Variants in CEP85L observed in about 807,000 individuals in gnomAD.
CEP85L encodes centrosomal protein 85L, also known as centrosomal protein of 85 kDa-like.
CEP85L carries 60 observed loss-of-function variants against 100.3 expected under a neutral mutation model. The observed-to-expected ratio is 0.60, with a 90% confidence interval of 0.49 to 0.74. CEP85L has a LOEUF of 0.74. Among genes scored for constraint, CEP85L ranks in the 30% least tolerant of loss-of-function variants. CEP85L has a pLI of 0.00. For synonymous variants in CEP85L, 319 were observed against 322.7 expected (o/e 0.99, Z 0.12); for missense variants, 973 against 936.2 (o/e 1.04, Z -0.51).
At chr6:118,652,771 C>A, upstream of CEP85L, 1 of 1,531,828 alleles carries the variant, frequency 6.5e-7, no homozygotes. Context: ...CCAATTATTT[C>A]TCCAAATCAT....
At chr6:118,569,180 A>G (rs1239095656) in intron 2 of CEP85L, among the ~76,000 whole-genome samples, 1 of 151,762 alleles carries the variant, frequency 6.6e-6, no homozygotes, top group East Asian at 1.9e-4. Flanking sequence ...CATCTCTACT[A>G]AAAATACAAA....
chr6:118,629,916 G>A lies in CEP85L; in HGVS notation c.232+2537C>T, dbSNP rs12173476. 7.2e-4 allele frequency among the ~76,000 whole-genome samples: 110 copies of A among 152,200 alleles called. 2 individuals carry two copies. The East Asian group carries it at 0.014, about 20-fold the overall frequency. On this transcript the variant is annotated intron_variant, in intron 2 of 12. Transcript: ENST00000368491. ...AGTGTGAGAAAACAAAAGTCCAAAAGACCCCTTCGTTCAAGTCATCTAAAC... is the reference window on the plus strand; with the variant it reads ...AGTGTGAGAAAACAAAAGTCCAAAAAACCCCTTCGTTCAAGTCATCTAAAC...
intron 6 of CEP85L, 173 bp downstream of exon 6, chr6:118,491,513 C>T: frequency 1.5e-6 from 2 of 1,360,466 alleles, no homozygotes; most frequent in Non-Finnish European, 1.9e-6. Context: ...CAAAGAAAAT[C>T]CTTGGATTTC....
intron 5 of CEP85L, among the ~76,000 whole-genome samples, chr6:118,500,139 A>G (rs558633845): frequency 3.7e-4 from 36 of 98,508 alleles, no homozygotes; most frequent in African/African-American, 1.3e-3. Context: ...TGCCTCTACT[A>G]AAGTATTTTT....
rs532299964 is a variant in CEP85L at position 118,701,427 on chromosome 6, G to A, written c.-28+8609C>T. On this transcript the variant is annotated intron_variant, in intron 1 of 13. Coordinates refer to the CEP85L transcript ENST00000368488. The stretch of plus-strand genomic sequence containing the variant: ...AGAAAATGTGGTACATATACACCAC[G>A]GAGTACTACACAGCCATAAAAAAGA... Among the ~76,000 whole-genome samples, 59 of 152,210 alleles carry A rather than the reference G, an allele frequency of 3.9e-4. No homozygotes were observed. In the Middle Eastern group the frequency reaches 0.01, roughly 26 times the overall value.
intron 3 of CEP85L, among the ~76,000 whole-genome samples, chr6:118,526,342 A>G (rs193186932): frequency 7.2e-5 from 11 of 152,268 alleles, no homozygotes; most frequent in Admixed American, 3.3e-4. Flanking sequence ...CCATGATCCA[A>G]CAAATAACAC....
intron 3 of CEP85L, among the ~76,000 whole-genome samples, chr6:118,547,843 A>G (rs1274753536): frequency 6.6e-6 from 1 of 152,166 alleles, no homozygotes; most frequent in African/African-American, 2.4e-5. Flanking sequence ...TTTATTGTGT[A>G]AAAATATTTC....
upstream of CEP85L, chr6:118,652,272 C>T (rs1775612645): frequency 2.4e-6 from 1 of 420,000 alleles, no homozygotes; most frequent in Non-Finnish European, 3.2e-6. Flanking sequence ...GCCCTTTCCT[C>T]CTTGCCCCCT....
At position 118,696,472 on chromosome 6, in the gene CEP85L, T is replaced by C. The variant is rs530736685; in HGVS notation, c.-28+13564A>G. ...GAGGTTCAAGATTTATTTCTGCTGC[T>C]AGCAAGTTGGGCAATCAGCAGTGAC... On this transcript the variant is annotated intron_variant, in intron 1 of 13. Coordinates refer to the CEP85L transcript ENST00000368488. Among the ~76,000 whole-genome samples the C allele has an allele frequency of 1.8e-3, 267 of 152,296 alleles. 1 individual carries two copies. Among genetic ancestry groups the C allele is most frequent in the African/African-American group, 6.1e-3 (255 of 41,550 alleles).
At chr6:118,503,180 T>C (rs563087722) in intron 5 of CEP85L, among the ~76,000 whole-genome samples, 2 of 152,276 alleles carry the variant, frequency 1.3e-5, no homozygotes, top group East Asian at 3.9e-4. Context: ...ATTAAAAAAT[T>C]CACTACCATC....
intron 2 of CEP85L, among the ~76,000 whole-genome samples, chr6:118,623,853 G>A (rs1224585546): frequency 2.0e-5 from 3 of 152,210 alleles, no homozygotes; most frequent in African/African-American, 2.4e-5. Context: ...GGATAGAGCT[G>A]TTCCAACCAG....
At chr6:118,666,422 C>T (rs1251005495) in intron 1 of CEP85L, among the ~76,000 whole-genome samples, 1 of 152,174 alleles carries the variant, frequency 6.6e-6, no homozygotes, top group African/African-American at 2.4e-5. Flanking sequence ...AAAAGCCTGG[C>T]TTGACTAACT....
intron 2 of CEP85L, chr6:118,574,193 T>C (rs1780077697): frequency 6.6e-6 from 1 of 152,250 alleles, no homozygotes; most frequent in South Asian, 2.1e-4. Context: ...GAACTTGTTC[T>C]GTAGGCAACT....
chr6:118,509,660 C>A (rs1352329475), intron 5 of CEP85L, among the ~76,000 whole-genome samples: 1 of 151,950 alleles, frequency 6.6e-6, no homozygotes, highest in Non-Finnish European at 1.5e-5. Context: ...TTCCACTTAA[C>A]TTAAAATCTA....
chr6:118,519,666 T>C (rs1776545888), intron 4 of CEP85L, among the ~76,000 whole-genome samples: 1 of 150,142 alleles, frequency 6.7e-6, no homozygotes, highest in South Asian at 2.1e-4. Context: ...TAAATAGCCC[T>C]ATGTATATTA....
At chr6:118,497,074 G>A (rs905048930) in intron 5 of CEP85L, among the ~76,000 whole-genome samples, 1 of 152,114 alleles carries the variant, frequency 6.6e-6, no homozygotes, top group African/African-American at 2.4e-5. Context: ...AAAAAAACCC[G>A]AACTGGGAAG....
At chr6:118,527,377 C>T (rs558950969) in intron 3 of CEP85L, among the ~76,000 whole-genome samples, 1 of 152,070 alleles carries the variant, frequency 6.6e-6, no homozygotes, top group Admixed American at 6.6e-5. Flanking sequence ...AGCCAAGAAC[C>T]CATGTGGCCT....
chr6:118,538,414 A>T (rs528214513), intron 3 of CEP85L, among the ~76,000 whole-genome samples: 26 of 152,080 alleles, frequency 1.7e-4, no homozygotes, highest in South Asian at 6.2e-4. Flanking sequence ...TATATATATA[A>T]AAAACATCTT....
intron 2 of CEP85L, among the ~76,000 whole-genome samples, chr6:118,611,926 C>A (rs972162634): frequency 5.3e-5 from 8 of 152,140 alleles, no homozygotes; most frequent in Non-Finnish European, 1.0e-4. Context: ...CCTCTTTCAA[C>A]AACTGATAGA....
Sources: allele counts gnomAD v4.1 joint callset (sites outside exome capture counted in the v4.1 genomes callset), GRCh38; gene constraint gnomAD v4.1.1; transcripts MANE v1.5; gene names NCBI Gene and HGNC (gene_info 2026-07-23, HGNC 2026-07-21).